PCDH9: variants seen among roughly 807,000 people sequenced by gnomAD.
PCDH9 encodes protocadherin-9.
In PCDH9, 24 loss-of-function variants were observed where a neutral mutation model predicts 70.6. That is an observed-to-expected ratio of 0.34 (90% CI 0.25 to 0.48). The LOEUF (loss-of-function observed/expected upper bound fraction) is 0.48. PCDH9 is among the 20% of genes least tolerant of loss of function. The pLI, the probability that PCDH9 is intolerant of heterozygous loss-of-function variation, is 0.99. For missense variants in PCDH9, 1,281 were observed against 1,503.6 expected, an observed-to-expected ratio of 0.85 and a Z score of 2.45; for synonymous variants, 562 against 558.5, an observed-to-expected ratio of 1.01 and a Z score of -0.09.
chr13:66,457,558 A>T (rs1300481040), intron 4 of PCDH9, among the ~76,000 whole-genome samples: 2 of 152,068 alleles, frequency 1.3e-5, no homozygotes, highest in Non-Finnish European at 2.9e-5. Context: ...TAATCCCCAA[A>T]TATTGCACTA....
intron 4 of PCDH9, among the ~76,000 whole-genome samples, chr13:66,465,325 CA>C (rs1029782789): frequency 6.6e-6 from 1 of 150,608 alleles, no homozygotes; most frequent in East Asian, 2.0e-4. Context: ...TTTTGAGGGT[CA>C]AAAAAAATGG....
intron 2 of PCDH9, among the ~76,000 whole-genome samples, chr13:67,167,674 G>C (rs1169672277): frequency 6.6e-6 from 1 of 152,146 alleles, no homozygotes; most frequent in African/African-American, 2.4e-5. Flanking sequence ...CATCTATCCA[G>C]ATTGAATTTA....
intron 4 of PCDH9, among the ~76,000 whole-genome samples, chr13:66,322,861 T>C (rs1016890530): frequency 6.6e-6 from 1 of 152,034 alleles, no homozygotes; most frequent in Admixed American, 6.6e-5. Context: ...ATATACTTCA[T>C]GTTCAAATGG....
At position 66,485,302 on chromosome 13, in the gene PCDH9, A is replaced by C. The variant is rs183916445; in HGVS notation, c.3340+145908T>G. 4.1e-4 allele frequency among the ~76,000 whole-genome samples: 63 copies of C among 152,336 alleles called. No individual in the cohort carries two copies. In the East Asian group the frequency reaches 0.011, roughly 27 times the overall value. ...AGTCTTTTCATGTACTAATTGCTATAAAATTTACCTTTAAAGGTTTATAGA... is the reference window on the plus strand; with the variant it reads ...AGTCTTTTCATGTACTAATTGCTATCAAATTTACCTTTAAAGGTTTATAGA... On this transcript the variant is annotated intron_variant, in intron 4 of 4. Transcript: ENST00000377865.
chr13:66,606,848 T>C (rs1431046020), intron 4 of PCDH9, among the ~76,000 whole-genome samples: 1 of 152,124 alleles, frequency 6.6e-6, no homozygotes, highest in Non-Finnish European at 1.5e-5. Context: ...AAACATTGCA[T>C]AAGCAAATGT....
intron 2 of PCDH9, among the ~76,000 whole-genome samples, chr13:67,005,306 T>C (rs1479902605): frequency 2.0e-5 from 3 of 152,140 alleles, no homozygotes; most frequent in Non-Finnish European, 4.4e-5. Context: ...CAGGGGATTT[T>C]CTTTTACTAT....
At chr13:66,422,058 G>A (rs546720712) in intron 4 of PCDH9, among the ~76,000 whole-genome samples, 12 of 152,176 alleles carry the variant, frequency 7.9e-5, no homozygotes, top group African/African-American at 2.6e-4. Flanking sequence ...GTCAAAAGAG[G>A]CAAAGAAGGC....
intron 2 of PCDH9, among the ~76,000 whole-genome samples, chr13:66,980,726 C>CTTTTTTTTTTTTT (rs1327800250): frequency 2.4e-3 from 79 of 33,222 alleles, no homozygotes; most frequent in East Asian, 6.3e-3. Context: ...CTGTTTTTTT[C>CTTTTTTTTTTTTT]TTTGTTTTTT....
intron 3 of PCDH9, among the ~76,000 whole-genome samples, chr13:66,827,375 G>GA (rs965220186): frequency 6.0e-5 from 7 of 116,620 alleles, no homozygotes; most frequent in Admixed American, 8.6e-5. Flanking sequence ...AAAAAAAAAA[G>GA]AAAAAAAAGA....
At chr13:66,872,194 G>C (rs138392912) in intron 3 of PCDH9, among the ~76,000 whole-genome samples, 1 of 152,168 alleles carries the variant, frequency 6.6e-6, no homozygotes, top group East Asian at 1.9e-4. Context: ...GTAGATCTTT[G>C]ACTTCAATAT....
intron 4 of PCDH9, among the ~76,000 whole-genome samples, chr13:66,476,528 A>G (rs1057259777): frequency 6.6e-6 from 1 of 152,138 alleles, no homozygotes; most frequent in African/African-American, 2.4e-5. Flanking sequence ...AAACATTAAT[A>G]TAAATTTAAG....
chr13:66,728,272 A>C (rs2079030789), intron 3 of PCDH9, among the ~76,000 whole-genome samples: 1 of 152,134 alleles, frequency 6.6e-6, no homozygotes, highest in African/African-American at 2.4e-5. Flanking sequence ...CAATCCCTCT[A>C]ATAAACTTCC....
chr13:66,969,214 C>T (rs1407227581), intron 2 of PCDH9, among the ~76,000 whole-genome samples: 3 of 152,032 alleles, frequency 2.0e-5, no homozygotes, highest in East Asian at 1.9e-4. Flanking sequence ...ATTTGCAACG[C>T]ACCTAATTTT....
chr13:66,581,347 A>T (rs972726927), intron 4 of PCDH9, among the ~76,000 whole-genome samples: 2 of 152,138 alleles, frequency 1.3e-5, no homozygotes, highest in African/African-American at 2.4e-5. Context: ...ATTAAACCAG[A>T]CCATATTTTG....
At chr13:66,823,495 C>T (rs969031293) in intron 3 of PCDH9, among the ~76,000 whole-genome samples, 4 of 151,652 alleles carry the variant, frequency 2.6e-5, no homozygotes, top group Admixed American at 2.6e-4. Context: ...TATGCAGACA[C>T]TAATATATAT....
intron 2 of PCDH9, among the ~76,000 whole-genome samples, chr13:67,171,099 G>A (rs1477949758): frequency 4.6e-5 from 7 of 152,126 alleles, no homozygotes; most frequent in Non-Finnish European, 8.8e-5. Flanking sequence ...ATAGCATACC[G>A]AAATCCATTT....
At chr13:66,929,241 CTTAT>C (rs1464050669) in intron 2 of PCDH9, among the ~76,000 whole-genome samples, 4 of 151,682 alleles carry the variant, frequency 2.6e-5, no homozygotes, top group East Asian at 3.9e-4. Flanking sequence ...TACTAGATTT[CTTAT>C]TTTATTATGA....
At chr13:67,071,799 G>C (rs1405655492) in intron 2 of PCDH9, among the ~76,000 whole-genome samples, 1 of 147,478 alleles carries the variant, frequency 6.8e-6, no homozygotes, top group Non-Finnish European at 1.5e-5. Flanking sequence ...TGAGGCAGGA[G>C]AATCACTTGA....
chr13:66,551,782 A>G (rs1961500475), intron 4 of PCDH9, among the ~76,000 whole-genome samples: 1 of 152,174 alleles, frequency 6.6e-6, no homozygotes, highest in African/African-American at 2.4e-5. Context: ...AACCACGTAG[A>G]ATAATTTTCT....
Sources: allele counts gnomAD v4.1 joint callset (sites outside exome capture counted in the v4.1 genomes callset), GRCh38; gene constraint gnomAD v4.1.1; transcripts MANE v1.5; gene names NCBI Gene and HGNC (gene_info 2026-07-23, HGNC 2026-07-21).